The following TLE4 variants were observed in gnomAD, a reference collection of about 807,000 sequenced individuals.
The protein encoded by TLE4 is transducin-like enhancer protein 4.
A neutral mutation model predicts 92.8 loss-of-function variants in TLE4; 8 were observed. That is an observed-to-expected ratio of 0.09 (90% CI 0.05 to 0.16). The LOEUF (loss-of-function observed/expected upper bound fraction) is 0.16. Among genes scored for constraint, TLE4 ranks in the 10% least tolerant of loss-of-function variants. The pLI is 1.00. For missense variants in TLE4, 675 were observed against 997.6 expected (o/e 0.68, Z 4.36); for synonymous variants, 371 against 374.1 (o/e 0.99, Z 0.10).
At position 79,706,126 on chromosome 9, in the gene TLE4, C is replaced by G. The variant is rs142658827; in HGVS notation, c.783+184C>G. On this transcript the variant is annotated intron_variant, in intron 10 of 19. Coordinates refer to ENST00000376552, the MANE Select transcript of TLE4 (RefSeq NM_007005.6). Reference sequence around the variant, plus strand: ...GTATTGTGACCACAGTTCACTGCAGCCTTGAACTCCTACGCTAAAGTGATT... The same window carrying G: ...GTATTGTGACCACAGTTCACTGCAGGCTTGAACTCCTACGCTAAAGTGATT... Among the ~76,000 whole-genome samples, 3 of 152,164 alleles carry G rather than the reference C, an allele frequency of 2.0e-5. No homozygotes were observed. The East Asian group carries it at 5.8e-4, about 29-fold the overall frequency.
intron 6 of TLE4, among the ~76,000 whole-genome samples, chr9:79,641,810 G>A (rs1468291591): frequency 6.6e-6 from 1 of 152,112 alleles, no homozygotes; most frequent in African/African-American, 2.4e-5. Context: ...TCCATTTCTT[G>A]ATGCTAATAC....
At chr9:79,636,750 T>A (rs925653178) in intron 6 of TLE4, among the ~76,000 whole-genome samples, 1 of 152,184 alleles carries the variant, frequency 6.6e-6, no homozygotes, top group South Asian at 2.1e-4. Flanking sequence ...TGCATCACTT[T>A]CCCTTGACTA....
At chr9:79,593,847 T>G (rs2043276938) in intron 4 of TLE4, among the ~76,000 whole-genome samples, 1 of 152,218 alleles carries the variant, frequency 6.6e-6, no homozygotes, top group African/African-American at 2.4e-5. Flanking sequence ...CCTCAGATCT[T>G]TAAAATTATT....
chr9:79,576,971 A>G (rs1309273259), intron 4 of TLE4, among the ~76,000 whole-genome samples: 1 of 151,626 alleles, frequency 6.6e-6, no homozygotes, highest in East Asian at 1.9e-4. Context: ...ACACAAATAT[A>G]TATACATACA....
At chr9:79,622,258 C>T (rs1185333078) in intron 5 of TLE4, among the ~76,000 whole-genome samples, 1 of 152,020 alleles carries the variant, frequency 6.6e-6, no homozygotes, top group Admixed American at 6.6e-5. Context: ...TTAAAGTGTT[C>T]TTGCTTATGT....
chr9:79,699,726 C>G (rs754840083), intron 8 of TLE4, among the ~76,000 whole-genome samples: 6 of 152,158 alleles, frequency 3.9e-5, no homozygotes, highest in Admixed American at 6.5e-5. Context: ...GCAGGGAAGT[C>G]TAAGCACTGC....
chr9:79,679,450 C>G (rs1209705647), intron 8 of TLE4, among the ~76,000 whole-genome samples: 1 of 152,132 alleles, frequency 6.6e-6, no homozygotes, highest in Non-Finnish European at 1.5e-5. Flanking sequence ...ATCCTTCGCC[C>G]ACTTGTTGAT....
intron 6 of TLE4, among the ~76,000 whole-genome samples, chr9:79,642,573 G>A (rs2057379273): frequency 6.6e-6 from 1 of 152,004 alleles, no homozygotes; most frequent in African/African-American, 2.4e-5. Flanking sequence ...TTTTTCTTAA[G>A]TAGCTTAAAC....
Position 79,681,201 on chromosome 9 carries a change from G to A in TLE4, c.610-23582G>A, listed in dbSNP as rs746064326. ...AATATTTGGACTAGGAGTTCTCTAAGTCTGTGAATACATCCAAAAATTAAG... is the reference window on the plus strand; with the variant it reads ...AATATTTGGACTAGGAGTTCTCTAAATCTGTGAATACATCCAAAAATTAAG... On this transcript the variant is annotated intron_variant, in intron 8 of 19. Transcript: ENST00000376552. Among the ~76,000 whole-genome samples the A allele has an allele frequency of 1.9e-4, 29 of 152,184 alleles. No individual in the cohort carries two copies. In the Middle Eastern group the frequency reaches 0.01, roughly 54 times the overall value.
intron 6 of TLE4, among the ~76,000 whole-genome samples, chr9:79,645,197 G>C (rs968860882): frequency 5.9e-5 from 9 of 152,086 alleles, no homozygotes; most frequent in African/African-American, 1.9e-4. Flanking sequence ...CTTGATTTCT[G>C]GCACAAGATA....
intron 4 of TLE4, among the ~76,000 whole-genome samples, chr9:79,584,261 C>T (rs1031716508): frequency 1.3e-5 from 2 of 152,234 alleles, no homozygotes; most frequent in African/African-American, 4.8e-5. Flanking sequence ...GAGTGTTACA[C>T]CGTCATCTCT....
intron 4 of TLE4, among the ~76,000 whole-genome samples, chr9:79,611,994 G>A (rs1423968013): frequency 1.3e-5 from 2 of 149,478 alleles, no homozygotes; most frequent in African/African-American, 4.9e-5. Context: ...CATACAGATT[G>A]CTTCCTGCTA....
chr9:79,718,709 T>G lies in TLE4; in HGVS notation c.1341-13T>G, dbSNP rs749593233. ...ACATTCCCCTCTTTCTTTTTTCCTCTCCATTGCCTTAGAGCATACTCCTTC... is the reference window on the plus strand; with the variant it reads ...ACATTCCCCTCTTTCTTTTTTCCTCGCCATTGCCTTAGAGCATACTCCTTC... On this transcript the variant is annotated splice_polypyrimidine_tract_variant and intron_variant, in intron 14 of 19. Coordinates refer to ENST00000376552, the MANE Select transcript of TLE4 (RefSeq NM_007005.6). The G allele has an allele frequency of 2.0e-5, 32 of 1,599,760 alleles. No individual in the cohort carries two copies. Among genetic ancestry groups the G allele is most frequent in the Middle Eastern group, 1.7e-4 (1 of 6,036 alleles).
intron 8 of TLE4, among the ~76,000 whole-genome samples, chr9:79,683,702 G>C (rs536965228): frequency 1.9e-4 from 29 of 152,070 alleles, no homozygotes; most frequent in Non-Finnish European, 2.6e-4. Flanking sequence ...TTTGTATTAG[G>C]AGATTAGTAA....
chr9:79,671,925 TAAA>T (rs199524403), intron 8 of TLE4, among the ~76,000 whole-genome samples: 2 of 129,626 alleles, frequency 1.5e-5, no homozygotes, highest in Non-Finnish European at 1.6e-5. Context: ...GTTTCTCCGT[TAAA>T]AAAAAAAAAA....
At chr9:79,716,004 G>A (rs1254753782) in intron 14 of TLE4, among the ~76,000 whole-genome samples, 3 of 152,112 alleles carry the variant, frequency 2.0e-5, no homozygotes, top group Non-Finnish European at 4.4e-5. Flanking sequence ...AGATTACTGT[G>A]TAGTCCCCAG....
intron 4 of TLE4, among the ~76,000 whole-genome samples, chr9:79,599,630 GA>G (rs1426320454): frequency 2.0e-5 from 3 of 152,168 alleles, no homozygotes. Flanking sequence ...ACTATCAAAT[GA>G]AAGGCTCTAA....
chr9:79,676,804 A>G (rs906339148), intron 8 of TLE4, among the ~76,000 whole-genome samples: 5 of 152,132 alleles, frequency 3.3e-5, no homozygotes, highest in African/African-American at 9.7e-5. Context: ...TTGATATTTA[A>G]TAGCAGAGCT....
At chr9:79,662,979 A>C (rs1486236192) in intron 8 of TLE4, among the ~76,000 whole-genome samples, 2 of 149,170 alleles carry the variant, frequency 1.3e-5, no homozygotes, top group Non-Finnish European at 3.0e-5. Context: ...CCTTCCCTTT[A>C]GATTAACACT....
Sources: allele counts gnomAD v4.1 joint callset (sites outside exome capture counted in the v4.1 genomes callset), GRCh38; gene constraint gnomAD v4.1.1; transcripts MANE v1.5; gene names NCBI Gene and HGNC (gene_info 2026-07-23, HGNC 2026-07-21).